Variants in NRL observed in about 807,000 individuals in gnomAD.
The protein encoded by NRL is neural retina leucine zipper.
A neutral mutation model predicts 12.5 loss-of-function variants in NRL; 16 were observed. The ratio of observed to expected loss-of-function variants is 1.28; its 90% CI spans 0.87 to 1.95. The LOEUF (loss-of-function observed/expected upper bound fraction) is 1.95, where lower values mean the gene tolerates loss of function less well. NRL is among the 30% of genes most tolerant of loss of function. The pLI is 0.00. For missense variants in NRL, 314 were observed against 325.8 expected (o/e 0.96, Z 0.28); for synonymous variants, 142 against 150.9 (o/e 0.94, Z 0.43).
intron 1 of NRL, among the ~76,000 whole-genome samples, chr14:24,090,988 CA>C (rs2036611857): frequency 6.6e-6 from 1 of 152,164 alleles, no homozygotes; most frequent in South Asian, 2.1e-4. Context: ...CTGAAATCAT[CA>C]CTCTAGTGAG....
In NRL at chr14:24,081,038, C is replaced by T; in HGVS notation, c.*198G>A. 1 of 409,124 alleles carries T rather than the reference C, an allele frequency of 2.4e-6. No individual in the cohort carries two copies. Among genetic ancestry groups the T allele is most frequent in the East Asian group, 3.7e-5 (1 of 27,164 alleles). 25.3% of individuals were successfully genotyped at this position (409,124 alleles called of 1,614,324 possible). A position where few individuals can be genotyped will look rare whatever the true frequency, so the allele number is the denominator to read the frequency against. ...TTCTGTGTTCGTAAGGGGAGGGGAC[C>T]CCTCTCCAGAAAATGACCAGCATCT... On this transcript the variant is annotated 3_prime_UTR_variant, in exon 3 of 3. Coordinates refer to ENST00000561028, the MANE Select transcript of NRL (RefSeq NM_001354768.3). The surrounding 1 kb of genome is among the most constrained non-coding windows in gnomAD (Gnocchi z 4.4).
rs566674724 is a variant in NRL, at chr14:24,080,612, G to C, written c.*624C>G. 4 of 152,716 alleles carry C rather than the reference G, an allele frequency of 2.6e-5. No homozygotes were observed. Among genetic ancestry groups the C allele is most frequent in the African/African-American group, 9.6e-5 (4 of 41,530 alleles). 9.5% of individuals were successfully genotyped at this position (152,716 alleles called of 1,614,324 possible). ...TGGAAGAGCTGGGACTAGGACCCAG[G>C]TTTCCAGACTTCTGCACACAGCTCT... On this transcript the variant is annotated 3_prime_UTR_variant, in exon 3 of 3. Transcript: ENST00000561028.
intron 1 of NRL, among the ~76,000 whole-genome samples, chr14:24,096,002 T>C (rs907384254): frequency 6.6e-6 from 1 of 152,202 alleles, no homozygotes; most frequent in African/African-American, 2.4e-5. Context: ...AGCCCTCATC[T>C]AGAAACCTGG....
At chr14:24,102,969 G>C in intron 1 of NRL, 1 of 1,451,814 alleles carries the variant, frequency 6.9e-7, no homozygotes, top group Non-Finnish European at 9.6e-7. Context: ...CTCTGATCCA[G>C]AGCCTCAGCC....
At position 24,094,412 on chromosome 14, in the gene NRL, G is replaced by T. The variant is rs529249073; in HGVS notation, c.-27-11537C>A. Reference sequence around the variant, plus strand: ...CAGCCCCTGCCCAGGTGCCATGGCCGCATTGTACCGCCCTGGCCTGCGGTG... The same window carrying T: ...CAGCCCCTGCCCAGGTGCCATGGCCTCATTGTACCGCCCTGGCCTGCGGTG... On this transcript the variant is annotated intron_variant, in intron 1 of 2. Coordinates refer to ENST00000561028, the MANE Select transcript of NRL (RefSeq NM_001354768.3). This position sits in a 1 kb window ranked among gnomAD's most constrained non-coding sequence, Gnocchi z 4.1. The T allele has an allele frequency of 6.4e-7, 1 of 1,559,504 alleles. No homozygotes were observed.
chr14:24,098,237 C>A (rs142415107), intron 1 of NRL: 2 of 1,613,344 alleles, frequency 1.2e-6, no homozygotes, highest in Non-Finnish European at 8.5e-7. Context: ...GGATGTGGCA[C>A]GAGTAGAGAG....
At chr14:24,103,301 A>ACGT in intron 1 of NRL, 1 of 1,466,048 alleles carries the variant, frequency 6.8e-7, no homozygotes, top group African/African-American at 1.4e-5. Flanking sequence ...TGCACACAGC[A>ACGT]CGTCCTCTCT....
chr14:24,103,393 A>G, intron 1 of NRL: 2 of 1,165,136 alleles, frequency 1.7e-6, no homozygotes, highest in Non-Finnish European at 2.5e-6. Flanking sequence ...TCTTTTCCCC[A>G]TCCCTGAAGA....
At chr14:24,102,045 G>A (rs559394412) in intron 1 of NRL, among the ~76,000 whole-genome samples, 21 of 151,670 alleles carry the variant, frequency 1.4e-4, no homozygotes, top group Non-Finnish European at 2.7e-4. Flanking sequence ...GGCCAACATG[G>A]TGAAACCCCA....
intron 2 of NRL, 65 bp downstream of exon 2, chr14:24,082,403 T>G: frequency 1.2e-6 from 2 of 1,602,180 alleles, no homozygotes; most frequent in African/African-American, 1.3e-5. Context: ...GAGCTCCCCT[T>G]CCTCTCTTGG....
At chr14:24,108,699 C>G (rs1404865623) in intron 1 of NRL, among the ~76,000 whole-genome samples, 1 of 152,148 alleles carries the variant, frequency 6.6e-6, no homozygotes, top group African/African-American at 2.4e-5. Context: ...CTGATTCTTA[C>G]AGACACAAGA....
Position 24,094,595 on chromosome 14 carries a change from G to C in NRL, c.-27-11720C>G. 1 of 1,452,016 alleles carries C rather than the reference G, an allele frequency of 6.9e-7. No homozygotes were observed. Among genetic ancestry groups the C allele is most frequent in the Non-Finnish European group, 9.0e-7 (1 of 1,105,566 alleles). 89.9% of individuals were successfully genotyped at this position (1,452,016 alleles called of 1,614,324 possible). On this transcript the variant is annotated intron_variant, in intron 1 of 2. Coordinates refer to ENST00000561028, the MANE Select transcript of NRL (RefSeq NM_001354768.3). This position sits in a 1 kb window ranked among gnomAD's most constrained non-coding sequence, Gnocchi z 4.1. ...GTGGGTCCAGCCTCCCGCGCCGCGC[G>C]TCTCTTGGGAGGGCAGCCGGCCGGT...
In NRL at chr14:24,081,386, C is replaced by T. The variant is rs12885309; in HGVS notation, c.564G>A (p.Glu188=). ...SKRLQQRRGL[E]AERARLAAQL... ...GGGCGGCCAGGCGGGCGCGCTCGGC[C>T]TCCAGCCCGCGCCGCTGCTGCAGCC... The change falls in exon 3 of 3, where the codon GAG becomes GAA. Residue 188 remains glutamate (E), a synonymous_variant. Transcript: ENST00000561028. This position sits in a 1 kb window ranked among gnomAD's most constrained non-coding sequence, Gnocchi z 4.4. 2 of 1,469,794 alleles carry T rather than the reference C, an allele frequency of 1.4e-6. No homozygotes were observed. The highest frequency in any genetic ancestry group is 2.0e-4 in the Middle Eastern group (1 of 4,980). The allele number at this position is 1,469,794 out of a possible 1,614,324, so 91.0% of individuals were successfully genotyped here. A position where few individuals can be genotyped will look rare whatever the true frequency, so the allele number is the denominator to read the frequency against.
rs1198592711 is a variant in NRL, at chr14:24,090,284, C to CG, written c.-27-7410dup. ...TTTACTCGGGGGGGGGGGGGGGGCACGGGGGGGGACTTTCAAAGAAAGAGT... is the reference window on the plus strand; with the variant it reads ...TTTACTCGGGGGGGGGGGGGGGGCACGGGGGGGGGACTTTCAAAGAAAGAGT... On this transcript the variant is annotated intron_variant, in intron 1 of 2. Coordinates refer to ENST00000561028, the MANE Select transcript of NRL (RefSeq NM_001354768.3). Among the ~76,000 whole-genome samples the CG allele has an allele frequency of 8.6e-3, 68 of 7,946 alleles. 2 individuals are homozygous for CG. The highest frequency in any genetic ancestry group is 0.014 in the African/African-American group (22 of 1,560). The allele number at this position is 7,946 out of a possible 152,430, so 5.2% of individuals were successfully genotyped here. A position where few individuals can be genotyped will look rare whatever the true frequency, so the allele number is the denominator to read the frequency against.
chr14:24,095,262 G>A (rs1359864978), intron 1 of NRL: 1 of 454,980 alleles, frequency 2.2e-6, no homozygotes, highest in Admixed American at 2.3e-5. Context: ...AGGGTGTGGG[G>A]GCTTCACAAG....
At chr14:24,084,896 C>T (rs2036427389) in intron 1 of NRL, among the ~76,000 whole-genome samples, 1 of 152,142 alleles carries the variant, frequency 6.6e-6, no homozygotes. Flanking sequence ...TGGGTCTGAA[C>T]CACCACCCCT....
chr14:24,110,285 T>G (rs2037399569), intron 1 of NRL: 2 of 330,436 alleles, frequency 6.1e-6, no homozygotes, highest in South Asian at 4.0e-5. Flanking sequence ...GTTTTTGTAT[T>G]TTTCGTAGAG....
At chr14:24,098,374 A>C in intron 1 of NRL, 1 of 1,612,110 alleles carries the variant, frequency 6.2e-7, no homozygotes, top group South Asian at 1.1e-5. Flanking sequence ...AGAGGTTTCC[A>C]GGCTGCATGC....
chr14:24,094,045 GT>G lies in NRL; in HGVS notation c.-27-11171del. 3.7e-6 allele frequency: 2 copies of G among 538,866 alleles called. No homozygotes were observed. Among genetic ancestry groups the G allele is most frequent in the Non-Finnish European group, 6.5e-6 (2 of 307,644 alleles). 33.4% of individuals were successfully genotyped at this position (538,866 alleles called of 1,614,324 possible). On this transcript the variant is annotated intron_variant, in intron 1 of 2. Coordinates refer to ENST00000561028, the MANE Select transcript of NRL (RefSeq NM_001354768.3). This position sits in a 1 kb window ranked among gnomAD's most constrained non-coding sequence, Gnocchi z 4.1. ...GCAAGAGTCCTCAAAGTTACATCAT[GT>G]GCGGCTGGGAGGGCGGTGGCGGATG...
Sources: gnomAD v4.1 joint callset for allele counts (sites outside exome capture counted in the v4.1 genomes callset) on GRCh38, gnomAD v4.1.1 for gene constraint, Gnocchi (gnomAD v3.1) non-coding constraint, MANE v1.5 for transcripts, NCBI Gene and HGNC (gene_info 2026-07-23, HGNC 2026-07-21) for gene names.